ACER3: variants seen among roughly 807,000 people sequenced by gnomAD.
ACER3 encodes alkaline ceramidase 3.
Under a neutral mutation model 48.9 loss-of-function variants are expected in ACER3, and 16 were observed. The ratio of observed to expected loss-of-function variants is 0.33; its 90% CI spans 0.22 to 0.50. ACER3 has a LOEUF of 0.50. Ranked by LOEUF, ACER3 falls within the 20% of genes least tolerant of loss-of-function variation. The probability of loss-of-function intolerance (pLI) is 0.98; values close to 1 mark genes in which losing one functional copy is unlikely to be tolerated. For missense variants in ACER3, 227 were observed against 326.0 expected, an observed-to-expected ratio of 0.70 and a Z score of 2.34; for synonymous variants, 109 against 107.8, an observed-to-expected ratio of 1.01 and a Z score of -0.07.
At chr11:77,010,051 T>C (rs1555021792) in intron 7 of ACER3, among the ~76,000 whole-genome samples, 4 of 151,982 alleles carry the variant, frequency 2.6e-5, no homozygotes, top group Non-Finnish European at 5.9e-5. Context: ...TGCCCTCCAA[T>C]AGAAAGAACT....
chr11:77,009,811 A>G (rs1949224071), intron 7 of ACER3, among the ~76,000 whole-genome samples: 1 of 148,742 alleles, frequency 6.7e-6, no homozygotes, highest in Non-Finnish European at 1.5e-5. Flanking sequence ...ACCCTGTCTC[A>G]ATAAAAAGAA....
At chr11:76,892,612 A>G (rs1008246181) in intron 1 of ACER3, among the ~76,000 whole-genome samples, 7 of 152,158 alleles carry the variant, frequency 4.6e-5, no homozygotes, top group Admixed American at 2.0e-4. Flanking sequence ...AGAAAATAAT[A>G]TCTTGTTCCA....
chr11:76,914,759 T>C (rs61893666), intron 1 of ACER3, among the ~76,000 whole-genome samples: 86,639 of 151,704 alleles, frequency 0.57, 27,832 homozygotes, highest in Non-Finnish European at 0.73. Context: ...ATGTTTGTTG[T>C]GGCACTATTC....
At chr11:76,999,341 C>T (rs553600352) in intron 7 of ACER3, among the ~76,000 whole-genome samples, 2 of 150,922 alleles carry the variant, frequency 1.3e-5, no homozygotes, top group South Asian at 4.2e-4. Flanking sequence ...GGCCACACAA[C>T]AGGTGTTCAA....
At chr11:76,938,768 A>G (rs1198569776) in intron 2 of ACER3, among the ~76,000 whole-genome samples, 1 of 152,172 alleles carries the variant, frequency 6.6e-6, no homozygotes, top group Admixed American at 6.5e-5. Flanking sequence ...TTGATTTCAA[A>G]TGCTCTATTG....
At chr11:76,914,847 C>A (rs1276154087) in intron 1 of ACER3, among the ~76,000 whole-genome samples, 10 of 152,116 alleles carry the variant, frequency 6.6e-5, no homozygotes, top group Admixed American at 2.6e-4. Context: ...ACATATACAC[C>A]ATGGAATACT....
intron 1 of ACER3, among the ~76,000 whole-genome samples, chr11:76,914,746 C>T (rs556635286): frequency 7.9e-5 from 12 of 152,104 alleles, no homozygotes; most frequent in East Asian, 3.9e-4. Flanking sequence ...CACATGCATA[C>T]GTATGTTTGT....
intron 1 of ACER3, among the ~76,000 whole-genome samples, chr11:76,912,810 T>C (rs1483024770): frequency 6.6e-6 from 1 of 152,190 alleles, no homozygotes; most frequent in Non-Finnish European, 1.5e-5. Context: ...ATAAAACTAT[T>C]GTATTGTTAG....
intron 1 of ACER3, among the ~76,000 whole-genome samples, chr11:76,916,357 G>T (rs893308965): frequency 8.5e-5 from 13 of 152,262 alleles, no homozygotes; most frequent in African/African-American, 3.1e-4. Context: ...TTCCTTTATA[G>T]AGCCTTTTGT....
intron 1 of ACER3, among the ~76,000 whole-genome samples, chr11:76,889,679 C>T (rs1377985278): frequency 6.6e-6 from 1 of 152,170 alleles, no homozygotes; most frequent in African/African-American, 2.4e-5. Context: ...CAGAATGCAG[C>T]TCATAGTTTC....
At chr11:76,950,404 TATATATA>T (rs1208890202) in intron 2 of ACER3, among the ~76,000 whole-genome samples, 983 of 30,126 alleles carry the variant, frequency 0.033, 280 homozygotes, top group Non-Finnish European at 0.058. Flanking sequence ...TATATATATA[TATATATA>T]ATTTACACAT....
At chr11:76,926,712 G>T (rs72945410) in intron 2 of ACER3, 45 bp downstream of exon 2, 14,452 of 1,247,332 alleles carry the variant, frequency 0.012, 102 homozygotes, top group Non-Finnish European at 0.014. Context: ...TATTCAAATG[G>T]GCCATTTTTC....
At chr11:76,987,104 C>T (rs968029305) in intron 5 of ACER3, among the ~76,000 whole-genome samples, 15 of 152,028 alleles carry the variant, frequency 9.9e-5, no homozygotes, top group Non-Finnish European at 2.1e-4. Flanking sequence ...AGTGTGGAGC[C>T]AATAACTGGT....
intron 3 of ACER3, among the ~76,000 whole-genome samples, chr11:76,961,024 GCTGT>G (rs1447036956): frequency 1.3e-5 from 2 of 152,144 alleles, no homozygotes; most frequent in African/African-American, 2.4e-5. Context: ...GAGTCGAGAG[GCTGT>G]CTAAGTGGAG....
At chr11:76,861,847 A>G (rs1359873258) in intron 1 of ACER3, among the ~76,000 whole-genome samples, 1 of 152,138 alleles carries the variant, frequency 6.6e-6, no homozygotes, top group Non-Finnish European at 1.5e-5. Context: ...TGAGGACACT[A>G]CTTCCACCGA....
intron 1 of ACER3, among the ~76,000 whole-genome samples, chr11:76,902,644 A>G (rs1029917267): frequency 6.6e-6 from 1 of 152,178 alleles, no homozygotes; most frequent in Non-Finnish European, 1.5e-5. Flanking sequence ...GTGACACTTC[A>G]TATAGGTCCT....
At position 76,961,808 on chromosome 11, in the gene ACER3, T is replaced by C. The variant is rs551868488; in HGVS notation, c.267+2777T>C. Among the ~76,000 whole-genome samples the C allele has an allele frequency of 1.3e-3, 193 of 143,480 alleles. 5 individuals carry two copies. The highest frequency in any genetic ancestry group is 5.2e-3 in the African/African-American group (182 of 34,822). 94.1% of individuals were successfully genotyped at this position (143,480 alleles called of 152,430 possible). A position where few individuals can be genotyped will look rare whatever the true frequency, so the allele number is the denominator to read the frequency against. ...ATGATGTATTAAATGAAATAATACA[T>C]GAGTATAAATAAATGAATAAAGAAA... On this transcript the variant is annotated intron_variant, in intron 3 of 10. Transcript: ENST00000532485.
At chr11:76,966,328 A>G (rs1402465259) in intron 3 of ACER3, among the ~76,000 whole-genome samples, 1 of 150,300 alleles carries the variant, frequency 6.7e-6, no homozygotes, top group South Asian at 2.1e-4. Flanking sequence ...AGTGACCTAC[A>G]AAGAGACTTA....
chr11:76,904,574 G>A (rs1356779360), intron 1 of ACER3, among the ~76,000 whole-genome samples: 4 of 152,076 alleles, frequency 2.6e-5, no homozygotes, highest in African/African-American at 9.7e-5. Flanking sequence ...CCAGGACCTC[G>A]TGAGGCTGTG....
Sources: gnomAD v4.1 joint callset for allele counts (sites outside exome capture counted in the v4.1 genomes callset) on GRCh38, gnomAD v4.1.1 for gene constraint, MANE v1.5 for transcripts, NCBI Gene and HGNC (gene_info 2026-07-23, HGNC 2026-07-21) for gene names.